DLG1: variants seen among roughly 807,000 people sequenced by gnomAD.
DLG1 encodes the protein disks large homolog 1.
A neutral mutation model predicts 123.4 loss-of-function variants in DLG1; 42 were observed. The observed-to-expected ratio is 0.34, with a 90% CI of 0.27 to 0.44. The LOEUF is 0.44. DLG1 is among the 20% of genes least tolerant of loss of function. The probability of loss-of-function intolerance (pLI) is 1.00; values close to 1 mark genes in which losing one functional copy is unlikely to be tolerated. For missense variants in DLG1, 942 were observed against 1,082.6 expected (o/e 0.87, Z 1.82); for synonymous variants, 317 against 356.2 (o/e 0.89, Z 1.24).
At chr3:197,072,978 T>G (rs752553673) in intron 18 of DLG1, among the ~76,000 whole-genome samples, 1 of 152,200 alleles carries the variant, frequency 6.6e-6, no homozygotes, top group Admixed American at 6.5e-5. Context: ...ATTACAGGCG[T>G]GAGTCACCGC....
At chr3:197,184,114 G>A (rs1408164422) in intron 5 of DLG1, 22 of 1,126,726 alleles carry the variant, frequency 2.0e-5, no homozygotes, top group African/African-American at 3.3e-5. Context: ...ACCAAAAGCT[G>A]TTCTTTTGTT....
At chr3:197,066,847 T>C (rs944325471) in intron 19 of DLG1, 93 bp from the exon 20 acceptor site, 1 of 787,216 alleles carries the variant, frequency 1.3e-6, no homozygotes, top group Non-Finnish European at 2.0e-6. Flanking sequence ...ACTAGAACTT[T>C]CCTGAGAAAA....
chr3:197,068,441 G>T (rs931470963), intron 19 of DLG1: 1 of 1,099,204 alleles, frequency 9.1e-7, no homozygotes, highest in South Asian at 1.4e-5. Flanking sequence ...AATGAATGAC[G>T]GTTAAAAGTA....
chr3:197,295,565 CA>C (rs1187168926), intron 3 of DLG1, among the ~76,000 whole-genome samples: 1 of 151,520 alleles, frequency 6.6e-6, no homozygotes, highest in Non-Finnish European at 1.5e-5. Context: ...GGTACCTGGA[CA>C]AAAGAGCCAG....
chr3:197,075,918 G>C, intron 18 of DLG1: 5 of 1,565,348 alleles, frequency 3.2e-6, no homozygotes, highest in Non-Finnish European at 4.4e-6. Context: ...GATAATCAAA[G>C]AAAATAGTTG....
intron 14 of DLG1, among the ~76,000 whole-genome samples, chr3:197,103,215 C>A (rs55954488): frequency 0.12 from 18,734 of 152,162 alleles, 1,417 homozygotes; most frequent in South Asian, 0.33. Context: ...AGGTATCATA[C>A]CTGCCTTCTT....
intron 13 of DLG1, among the ~76,000 whole-genome samples, chr3:197,113,624 C>T (rs757744258): frequency 3.3e-5 from 5 of 152,018 alleles, no homozygotes; most frequent in Non-Finnish European, 4.4e-5. Flanking sequence ...AACCCATGAA[C>T]CTTTATATTT....
At chr3:197,208,903 C>G (rs996978371) in intron 4 of DLG1, among the ~76,000 whole-genome samples, 1 of 145,490 alleles carries the variant, frequency 6.9e-6, no homozygotes, top group African/African-American at 2.4e-5. Flanking sequence ...ACAAAATTAC[C>G]TTTAGAATGA....
intron 4 of DLG1, among the ~76,000 whole-genome samples, chr3:197,244,782 C>T (rs561262766): frequency 4.9e-4 from 75 of 152,114 alleles, no homozygotes; most frequent in South Asian, 3.5e-3. Context: ...AGTTTTCCTT[C>T]TTTCCAGCTT....
intron 17 of DLG1, among the ~76,000 whole-genome samples, chr3:197,079,988 ATT>A (rs1418524003): frequency 6.6e-6 from 1 of 151,930 alleles, no homozygotes; most frequent in East Asian, 1.9e-4. Flanking sequence ...ACTTATAAAA[ATT>A]TTGTTTAGTA....
In DLG1 at chr3:197,059,800, G is replaced by C. The variant is rs542211105; in HGVS notation, c.2483+89C>G. 47 of 811,076 alleles carry C rather than the reference G, an allele frequency of 5.8e-5. 1 individual carries two copies. In the Admixed American group the frequency reaches 8.1e-4, roughly 14 times the overall value. The allele number at this position is 811,076 out of a possible 1,614,324, so 50.2% of individuals were successfully genotyped here. On this transcript the variant is annotated intron_variant, in intron 23 of 24. Coordinates refer to ENST00000667157, the MANE Select transcript of DLG1 (RefSeq NM_001366207.1). ...ATACTACTATTATCTCAATTTTATA[G>C]ATAAACTGAGATGCAGGGAGAGTAA...
At chr3:197,073,807 T>G (rs1395699246) in intron 18 of DLG1, among the ~76,000 whole-genome samples, 1 of 152,170 alleles carries the variant, frequency 6.6e-6, no homozygotes, top group Non-Finnish European at 1.5e-5. Context: ...ATATACATTT[T>G]TTTTTTCTTG....
intron 13 of DLG1, 95 bp from the exon 14 acceptor site, chr3:197,105,100 T>C: frequency 1.4e-6 from 1 of 727,276 alleles, no homozygotes; most frequent in Non-Finnish European, 2.2e-6. Context: ...TATTAAAAAA[T>C]TAGTTGCAAT....
intron 20 of DLG1, 131 bp from the exon 21 acceptor site, chr3:197,065,940 C>CG: frequency 1.8e-6 from 1 of 564,028 alleles, no homozygotes; most frequent in Non-Finnish European, 3.1e-6. Context: ...TCTCACTCTA[C>CG]CATCAACCAA....
chr3:197,266,365 T>C (rs1330261931), intron 4 of DLG1, among the ~76,000 whole-genome samples: 5 of 152,012 alleles, frequency 3.3e-5, no homozygotes, highest in Admixed American at 1.3e-4. Context: ...CAGAGAAGGA[T>C]AGAGTGTGTT....
At chr3:197,168,379 C>G (rs1471398962) in intron 5 of DLG1, among the ~76,000 whole-genome samples, 1 of 152,142 alleles carries the variant, frequency 6.6e-6, no homozygotes, top group Non-Finnish European at 1.5e-5. Flanking sequence ...AATTACAGAA[C>G]AACAAAGTAA....
At chr3:197,226,306 A>G (rs73210551) in intron 4 of DLG1, 19,131 of 152,180 alleles carry the variant, frequency 0.13, 1,265 homozygotes, top group Middle Eastern at 0.15. Flanking sequence ...TTCACCACAG[A>G]GCTCCACTTG....
chr3:197,158,634 C>CAAAAAAAAAAAAAAAA lies in DLG1; in HGVS notation c.484-8854_484-8839dup, dbSNP rs71623339. On this transcript the variant is annotated intron_variant, in intron 5 of 24. Coordinates refer to ENST00000667157, the MANE Select transcript of DLG1 (RefSeq NM_001366207.1). Reference sequence around the variant, plus strand: ...GGGTAACAAGAGCAAAACTCCATTTCAAAAAAAAAAAAAAAAAAAAAAAGC... The same window carrying CAAAAAAAAAAAAAAAA: ...GGGTAACAAGAGCAAAACTCCATTTCAAAAAAAAAAAAAAAAAAAAAAAAAAAAAAAAAAAAAAAGC... Among the ~76,000 whole-genome samples the CAAAAAAAAAAAAAAAA allele has an allele frequency of 1.7e-3, 115 of 67,474 alleles. 2 individuals are homozygous for CAAAAAAAAAAAAAAAA. Among genetic ancestry groups the CAAAAAAAAAAAAAAAA allele is most frequent in the African/African-American group, 2.3e-3 (41 of 18,130 alleles). 44.3% of individuals were successfully genotyped at this position (67,474 alleles called of 152,430 possible). A position where few individuals can be genotyped will look rare whatever the true frequency, so the allele number is the denominator to read the frequency against.
chr3:197,087,990 G>C (rs1755407623), intron 15 of DLG1, among the ~76,000 whole-genome samples: 1 of 152,174 alleles, frequency 6.6e-6, no homozygotes, highest in Non-Finnish European at 1.5e-5. Context: ...GACTGAAATG[G>C]ATGAAAATAA....
Sources: gnomAD v4.1 joint callset for allele counts (sites outside exome capture counted in the v4.1 genomes callset) on GRCh38, gnomAD v4.1.1 for gene constraint, MANE v1.5 for transcripts, NCBI Gene and HGNC (gene_info 2026-07-23, HGNC 2026-07-21) for gene names.